Variants in ARL15 observed in about 807,000 individuals in gnomAD.
ARL15 encodes the protein ADP-ribosylation factor-like protein 15.
Under a neutral mutation model 25.2 loss-of-function variants are expected in ARL15, and 19 were observed. The ratio of observed to expected loss-of-function variants is 0.75; its 90% CI spans 0.53 to 1.10. The LOEUF (loss-of-function observed/expected upper bound fraction) is 1.10, where lower values mean the gene tolerates loss of function less well. Among genes scored for constraint, ARL15 ranks in the 50% least tolerant of loss-of-function variants. ARL15 has a pLI of 0.00. For synonymous variants in ARL15, 94 were observed against 86.8 expected (o/e 1.08, Z -0.46); for missense variants, 220 against 246.0 (o/e 0.89, Z 0.71).
chr5:54,068,069 A>G (rs1282155501), intron 4 of ARL15, among the ~76,000 whole-genome samples: 1 of 152,208 alleles, frequency 6.6e-6, no homozygotes, highest in African/African-American at 2.4e-5. Context: ...TTCAATAAAG[A>G]GCTGGAGGAT....
intron 1 of ARL15, among the ~76,000 whole-genome samples, chr5:54,273,332 GCTGAGATGCA>G: frequency 6.6e-6 from 1 of 152,274 alleles, no homozygotes; most frequent in East Asian, 1.9e-4. Flanking sequence ...CTGTGCTCCT[GCTGAGATGCA>G]CTGAGAAGGA....
intron 4 of ARL15, among the ~76,000 whole-genome samples, chr5:54,100,598 C>A (rs955401453): frequency 2.6e-5 from 4 of 151,968 alleles, no homozygotes; most frequent in African/African-American, 7.2e-5. Context: ...CAGTAAACTG[C>A]TAAAAATTCA....
At chr5:54,305,917 A>G (rs1758742534) in intron 1 of ARL15, among the ~76,000 whole-genome samples, 1 of 152,216 alleles carries the variant, frequency 6.6e-6, no homozygotes, top group African/African-American at 2.4e-5. Flanking sequence ...CTAATCAACC[A>G]TTTTTACTTG....
chr5:54,261,554 A>C (rs74375295), intron 1 of ARL15, among the ~76,000 whole-genome samples: 2 of 129,588 alleles, frequency 1.5e-5, no homozygotes, highest in African/African-American at 6.5e-5. Context: ...CTAAATATGC[A>C]AAAAAAAAAA....
intron 2 of ARL15, among the ~76,000 whole-genome samples, chr5:54,167,970 A>G (rs1754622242): frequency 6.6e-6 from 1 of 152,148 alleles, no homozygotes; most frequent in African/African-American, 2.4e-5. Flanking sequence ...CGTTTACCTT[A>G]TTTGACTGGT....
intron 4 of ARL15, among the ~76,000 whole-genome samples, chr5:53,973,538 C>A (rs965512900): frequency 1.4e-5 from 2 of 148,090 alleles, no homozygotes; most frequent in African/African-American, 2.5e-5. Context: ...CGAGCCATTG[C>A]GCTCCAGCCT....
intron 4 of ARL15, among the ~76,000 whole-genome samples, chr5:53,930,473 C>T (rs1035308138): frequency 2.0e-5 from 3 of 152,198 alleles, no homozygotes; most frequent in Non-Finnish European, 4.4e-5. Flanking sequence ...TATAATGTAA[C>T]TTTCAATAAG....
chr5:54,252,617 G>A (rs1476672914), intron 1 of ARL15, among the ~76,000 whole-genome samples: 1 of 152,156 alleles, frequency 6.6e-6, no homozygotes, highest in Non-Finnish European at 1.5e-5. Context: ...AGAAGCTGAG[G>A]CAAAATTAAC....
chr5:54,153,949 A>C (rs10042336), intron 3 of ARL15, among the ~76,000 whole-genome samples: 34,277 of 152,078 alleles, frequency 0.23, 4,315 homozygotes, highest in African/African-American at 0.33. Context: ...TAGTATTTTC[A>C]TGCGCCATTA....
intron 1 of ARL15, among the ~76,000 whole-genome samples, chr5:54,208,788 CATG>C (rs2112501065): frequency 6.6e-6 from 1 of 152,298 alleles, no homozygotes; most frequent in East Asian, 1.9e-4. Flanking sequence ...GTCCCCTCAA[CATG>C]ATAATTCAGG....
intron 4 of ARL15, among the ~76,000 whole-genome samples, chr5:53,893,108 G>A (rs1055519933): frequency 2.0e-5 from 3 of 152,066 alleles, no homozygotes; most frequent in South Asian, 2.1e-4. Flanking sequence ...TCACATTAGC[G>A]GAAAATATTT....
intron 1 of ARL15, among the ~76,000 whole-genome samples, chr5:54,292,869 G>T (rs1008880486): frequency 6.6e-6 from 1 of 152,140 alleles, no homozygotes; most frequent in African/African-American, 2.4e-5. Flanking sequence ...GTAGACTACT[G>T]CCCAGGTCTA....
At chr5:54,094,006 T>C (rs550951397) in intron 4 of ARL15, among the ~76,000 whole-genome samples, 3 of 152,322 alleles carry the variant, frequency 2.0e-5, no homozygotes, top group African/African-American at 7.2e-5. Flanking sequence ...ATACAGGGTT[T>C]AGTCTGAGAA....
chr5:53,884,948 T>C lies in ARL15; in HGVS notation c.*1613A>G, dbSNP rs1020997696. 2 of 152,470 alleles carry C rather than the reference T, an allele frequency of 1.3e-5. No homozygotes were observed. The highest frequency in any genetic ancestry group is 4.8e-5 in the African/African-American group (2 of 41,396). 9.4% of individuals were successfully genotyped at this position (152,470 alleles called of 1,614,324 possible). On this transcript the variant is annotated 3_prime_UTR_variant, in exon 5 of 5. Coordinates refer to ENST00000504924, the MANE Select transcript of ARL15 (RefSeq NM_019087.3). ...AGACAAAATTGTATACGAATCACTATGTATCCTTCCTGATTCATGACATTA... is the reference window on the plus strand; with the variant it reads ...AGACAAAATTGTATACGAATCACTACGTATCCTTCCTGATTCATGACATTA...
chr5:54,062,584 T>A (rs1034641167), intron 4 of ARL15, among the ~76,000 whole-genome samples: 3 of 151,516 alleles, frequency 2.0e-5, no homozygotes, highest in African/African-American at 7.3e-5. Flanking sequence ...GCCATCCACA[T>A]AAGATGTGAT....
chr5:54,236,607 G>A (rs964932682), intron 1 of ARL15, among the ~76,000 whole-genome samples: 1 of 152,192 alleles, frequency 6.6e-6, no homozygotes, highest in African/African-American at 2.4e-5. Flanking sequence ...AGATGGAGCA[G>A]ACTGGCCAAA....
At chr5:54,229,472 T>G (rs1048486523) in intron 1 of ARL15, among the ~76,000 whole-genome samples, 2 of 152,028 alleles carry the variant, frequency 1.3e-5, no homozygotes, top group African/African-American at 4.8e-5. Flanking sequence ...TTTGCTGTAG[T>G]GGAGTATTAC....
Position 53,900,237 on chromosome 5 carries a change from T to C in ARL15, c.463-13524A>G, listed in dbSNP as rs781049312. The stretch of plus-strand genomic sequence containing the variant: ...TCCGCAGGATACAAATGCTGAAAGA[T>C]AGCTGATACATGAAGAAATAGCCAA... On this transcript the variant is annotated intron_variant, in intron 4 of 4. Coordinates refer to ENST00000504924, the MANE Select transcript of ARL15 (RefSeq NM_019087.3). Among the ~76,000 whole-genome samples, 3 of 152,218 alleles carry C rather than the reference T, an allele frequency of 2.0e-5. 1 individual carries two copies. The highest frequency in any genetic ancestry group is 1.3e-4 in the Admixed American group (2 of 15,282).
At chr5:54,208,632 T>C (rs922495626) in intron 1 of ARL15, among the ~76,000 whole-genome samples, 13 of 152,166 alleles carry the variant, frequency 8.5e-5, no homozygotes, top group African/African-American at 3.1e-4. Flanking sequence ...TGGACAATTA[T>C]TTCCAAGCTA....
Sources: gnomAD v4.1 joint callset for allele counts (sites outside exome capture counted in the v4.1 genomes callset) on GRCh38, gnomAD v4.1.1 for gene constraint, MANE v1.5 for transcripts, NCBI Gene and HGNC (gene_info 2026-07-23, HGNC 2026-07-21) for gene names.